BLK: variants seen among roughly 807,000 people sequenced by gnomAD.
BLK encodes tyrosine-protein kinase Blk.
BLK carries 64 observed loss-of-function variants against 61.8 expected under a neutral mutation model. That is an observed-to-expected ratio of 1.03 (90% CI 0.85 to 1.27). The LOEUF (loss-of-function observed/expected upper bound fraction) is 1.27, where lower values mean the gene tolerates loss of function less well. Ranked by LOEUF, BLK falls within the 50% of genes most tolerant of loss-of-function variation. The pLI is 0.00. For synonymous variants in BLK, 351 were observed against 272.0 expected (o/e 1.29, Z -2.86); for missense variants, 853 against 660.5 (o/e 1.29, Z -3.19).
chr8:11,558,153 T>C (rs1801322353), intron 10 of BLK, 115 bp downstream of exon 10: 3 of 1,014,904 alleles, frequency 3.0e-6, no homozygotes, highest in Non-Finnish European at 4.5e-6. Context: ...CAGGGGGTAC[T>C]GAAGGCCACC....
At chr8:11,534,580 C>G (rs1056402958) in intron 1 of BLK, among the ~76,000 whole-genome samples, 2 of 152,232 alleles carry the variant, frequency 1.3e-5, no homozygotes, top group Non-Finnish European at 2.9e-5. Flanking sequence ...AAGGTCTGCT[C>G]AGCACCCTCA....
chr8:11,540,270 A>G (rs1010197601), intron 1 of BLK, among the ~76,000 whole-genome samples: 8 of 152,158 alleles, frequency 5.3e-5, no homozygotes, highest in Admixed American at 2.0e-4. Flanking sequence ...TCCTAATACC[A>G]TTTATTAAAA....
At chr8:11,522,010 G>A (rs1224203736) in intron 1 of BLK, among the ~76,000 whole-genome samples, 2 of 152,138 alleles carry the variant, frequency 1.3e-5, no homozygotes, top group African/African-American at 4.8e-5. Flanking sequence ...AAGTAATTTG[G>A]AGAGAATATG....
intron 9 of BLK, among the ~76,000 whole-genome samples, chr8:11,557,527 C>T (rs930828032): frequency 6.6e-6 from 1 of 152,214 alleles, no homozygotes; most frequent in African/African-American, 2.4e-5. Flanking sequence ...ACCTGGGGGA[C>T]AGTTCTCTCC....
At chr8:11,511,817 T>G (rs1175217716) in intron 1 of BLK, among the ~76,000 whole-genome samples, 2 of 152,226 alleles carry the variant, frequency 1.3e-5, no homozygotes, top group African/African-American at 2.4e-5. Flanking sequence ...AAGTATTGGC[T>G]AATGATCCAT....
chr8:11,538,025 G>A (rs770611573), intron 1 of BLK, among the ~76,000 whole-genome samples: 1 of 151,892 alleles, frequency 6.6e-6, no homozygotes, highest in South Asian at 2.1e-4. Context: ...ACATGCACAC[G>A]GTGCACATGC....
In BLK at chr8:11,541,500, C is replaced by CT. The variant is rs145013879; in HGVS notation, c.-1-1710dup. On this transcript the variant is annotated intron_variant, in intron 1 of 12. Coordinates refer to ENST00000259089, the MANE Select transcript of BLK (RefSeq NM_001715.3). ...CAATACAAACCCATCGTCTCTCTCT[C>CT]TTTTTTTTTTTTTTCGAGATGGAGT... Among the ~76,000 whole-genome samples the CT allele has an allele frequency of 7.3e-3, 1,061 of 145,848 alleles. 7 individuals carry two copies. The highest frequency in any genetic ancestry group is 0.025 in the African/African-American group (977 of 39,792).
chr8:11,547,183 G>T (rs1181944824), intron 3 of BLK, among the ~76,000 whole-genome samples: 3 of 152,246 alleles, frequency 2.0e-5, no homozygotes, highest in Non-Finnish European at 4.4e-5. Flanking sequence ...CCCTGGAAAA[G>T]CTCAGAATCT....
chr8:11,559,419 T>A lies in BLK; in HGVS notation c.1029+1381T>A, dbSNP rs1283025712. Among the ~76,000 whole-genome samples the A allele has an allele frequency of 1.7e-4, 21 of 124,004 alleles. 1 individual carries two copies. Among genetic ancestry groups the A allele is most frequent in the African/African-American group, 3.3e-4 (11 of 33,284 alleles). The allele number at this position is 124,004 out of a possible 152,430, so 81.4% of individuals were successfully genotyped here. On this transcript the variant is annotated intron_variant, in intron 10 of 12. Transcript: ENST00000259089. ...CAGACACACACACAGACACACAGACTCACACACACAAACTCACACAGACAC... is the reference window on the plus strand; with the variant it reads ...CAGACACACACACAGACACACAGACACACACACACAAACTCACACAGACAC...
At chr8:11,502,665 G>A (rs571867808) in intron 1 of BLK, among the ~76,000 whole-genome samples, 2 of 152,278 alleles carry the variant, frequency 1.3e-5, no homozygotes, top group South Asian at 4.2e-4. Flanking sequence ...TTTAACAACC[G>A]GCTCTAGCAT....
chr8:11,523,824 C>T (rs1242433560), intron 1 of BLK, among the ~76,000 whole-genome samples: 1 of 134,356 alleles, frequency 7.4e-6, no homozygotes, highest in Non-Finnish European at 1.5e-5. Context: ...TTTCACTGAG[C>T]AGATTGACAG....
intron 1 of BLK, among the ~76,000 whole-genome samples, chr8:11,526,891 G>T (rs930126444): frequency 2.0e-5 from 3 of 152,062 alleles, no homozygotes; most frequent in African/African-American, 7.2e-5. Context: ...CATAGAGAAG[G>T]CCATCTGATA....
chr8:11,515,688 A>C (rs1026104776), intron 1 of BLK, among the ~76,000 whole-genome samples: 7 of 151,976 alleles, frequency 4.6e-5, no homozygotes, highest in Admixed American at 4.6e-4. Flanking sequence ...CTAATATTGT[A>C]TCAGTGCTTA....
rs1554456982 is a variant in BLK, at chr8:11,559,394, CAG to C, written c.1029+1358_1029+1359del. On this transcript the variant is annotated intron_variant, in intron 10 of 12. Transcript: ENST00000259089. ...ACAGACACGCAAACTCACACACAGA[CAG>C]ACACACACACAGACACACAGACTCA... Among the ~76,000 whole-genome samples the C allele has an allele frequency of 1.9e-3, 200 of 107,440 alleles. 2 individuals are homozygous for C. Among genetic ancestry groups the C allele is most frequent in the African/African-American group, 6.3e-3 (181 of 28,640 alleles). 70.5% of individuals were successfully genotyped at this position (107,440 alleles called of 152,430 possible).
intron 6 of BLK, 143 bp from the exon 7 acceptor site, chr8:11,554,600 A>C (rs1801100415): frequency 9.8e-7 from 1 of 1,018,888 alleles, no homozygotes; most frequent in East Asian, 2.5e-5. Flanking sequence ...AGATGCAGGG[A>C]AAGGAAACTT....
Position 11,557,357 on chromosome 8 carries a change from T to C in BLK, c.952+520T>C, listed in dbSNP as rs535311393. ...CTGACCGCACACTGCTCCTATAGGATCCTAACATGCCCATGTTGATATAGC... is the reference window on the plus strand; with the variant it reads ...CTGACCGCACACTGCTCCTATAGGACCCTAACATGCCCATGTTGATATAGC... On this transcript the variant is annotated intron_variant, in intron 9 of 12. Coordinates refer to ENST00000259089, the MANE Select transcript of BLK (RefSeq NM_001715.3). Among the ~76,000 whole-genome samples the C allele has an allele frequency of 2.6e-5, 4 of 152,280 alleles. No homozygotes were observed. In the East Asian group the frequency reaches 7.7e-4, roughly 29 times the overall value.
Position 11,556,790 on chromosome 8 carries a change from T to A in BLK, c.905T>A (p.Val302Glu), listed in dbSNP as rs1045455569. The change falls in exon 9 of 13, where the codon GTG becomes GAG. Residue 302 changes from valine (V) to glutamate (E), a missense_variant. Transcript: ENST00000259089. ...QHERLVRLYA[V>E]VTKEPIYIVT... Reference sequence around the variant, plus strand: ...GAGCGGCTGGTCCGACTCTACGCAGTGGTCACCAAGGAGCCCATCTACATT... The same window carrying A: ...GAGCGGCTGGTCCGACTCTACGCAGAGGTCACCAAGGAGCCCATCTACATT... The A allele has an allele frequency of 1.9e-6, 3 of 1,614,180 alleles. No individual in the cohort carries two copies. Among genetic ancestry groups the A allele is most frequent in the Non-Finnish European group, 1.7e-6 (2 of 1,180,032 alleles).
intron 1 of BLK, among the ~76,000 whole-genome samples, chr8:11,527,557 C>A (rs1031432278): frequency 2.0e-5 from 3 of 151,544 alleles, no homozygotes; most frequent in African/African-American, 4.9e-5. Context: ...TGAAATTAGT[C>A]TCCCCAAAGG....
At chr8:11,495,851 G>A (rs1488968573) in intron 1 of BLK, among the ~76,000 whole-genome samples, 1 of 152,302 alleles carries the variant, frequency 6.6e-6, no homozygotes, top group Non-Finnish European at 1.5e-5. Flanking sequence ...ATGTACCATG[G>A]TTACGTAAGG....
Sources: allele counts gnomAD v4.1 joint callset (sites outside exome capture counted in the v4.1 genomes callset), GRCh38; gene constraint gnomAD v4.1.1; transcripts MANE v1.5; gene names NCBI Gene and HGNC (gene_info 2026-07-23, HGNC 2026-07-21).